RADIL: variants seen among roughly 807,000 people sequenced by gnomAD.
RADIL encodes the protein Rap associating with DIL domain, also known as ras-associating and dilute domain-containing protein.
Under a neutral mutation model 97.6 loss-of-function variants are expected in RADIL, and 99 were observed. The ratio of observed to expected loss-of-function variants is 1.01; its 90% CI spans 0.86 to 1.20. The LOEUF is 1.20. Among genes scored for constraint, RADIL ranks in the 50% most tolerant of loss-of-function variants. RADIL has a pLI of 0.00. For missense variants in RADIL, 1,765 were observed against 1,498.9 expected (o/e 1.18, Z -2.93); for synonymous variants, 803 against 691.8 (o/e 1.16, Z -2.52).
At chr7:4,810,844 G>A (rs1034283728) in intron 9 of RADIL, among the ~76,000 whole-genome samples, 4 of 152,160 alleles carry the variant, frequency 2.6e-5, no homozygotes, top group African/African-American at 7.2e-5. Flanking sequence ...TGTTTAAAAC[G>A]CTGAGATTAG....
intron 2 of RADIL, chr7:4,858,565 AGT>A (rs1783892060): frequency 6.6e-6 from 1 of 152,662 alleles, no homozygotes; most frequent in South Asian, 2.1e-4. Context: ...TAAAAATAAA[AGT>A]GTTTAAAATT....
rs998531535 is a variant in RADIL at position 4,815,012 on chromosome 7, C to G, written c.2139+266G>C. Among the ~76,000 whole-genome samples, 11 of 152,186 alleles carry G rather than the reference C, an allele frequency of 7.2e-5. No homozygotes were observed. The highest frequency in any genetic ancestry group is 2.7e-4 in the African/African-American group (11 of 41,448). ...CTCAAGGTCCTTAATCGTAGTCACA[C>G]GTACAGAGGCTTCTTTGCCATGTGG... is the stretch of plus-strand genomic sequence containing the variant. On this transcript the variant is annotated intron_variant, in intron 9 of 14. Coordinates refer to ENST00000399583, the MANE Select transcript of RADIL (RefSeq NM_018059.5). The surrounding 1 kb of genome is among the most constrained non-coding windows in gnomAD (Gnocchi z 8.0).
intron 9 of RADIL, among the ~76,000 whole-genome samples, chr7:4,807,241 C>T (rs546638846): frequency 1.3e-5 from 2 of 152,150 alleles, no homozygotes; most frequent in East Asian, 1.9e-4. Flanking sequence ...GTGTCTCGGG[C>T]GTCGTGCAGG....
At chr7:4,845,269 A>T (rs893586653) in intron 2 of RADIL, among the ~76,000 whole-genome samples, 3 of 152,126 alleles carry the variant, frequency 2.0e-5, no homozygotes, top group Non-Finnish European at 4.4e-5. Context: ...AAATAAAAAG[A>T]TGAACCAGAT....
chr7:4,831,438 C>T (rs1783136300), intron 5 of RADIL, among the ~76,000 whole-genome samples: 1 of 151,886 alleles, frequency 6.6e-6, no homozygotes, highest in Non-Finnish European at 1.5e-5. Flanking sequence ...GGGTACAAGG[C>T]TTAATACCTG....
intron 5 of RADIL, among the ~76,000 whole-genome samples, chr7:4,827,246 T>A (rs1259859139): frequency 6.6e-6 from 1 of 151,332 alleles, no homozygotes; most frequent in African/African-American, 2.4e-5. Context: ...GCGCCTGTAA[T>A]CCCAGCTACT....
Position 4,854,182 on chromosome 7 carries a change from G to A in RADIL, c.536-17577C>T, listed in dbSNP as rs1783773742. 6.6e-6 allele frequency among the ~76,000 whole-genome samples: 1 copy of A among 152,148 alleles called. No homozygotes were observed. The highest frequency in any genetic ancestry group is 1.5e-5 in the Non-Finnish European group (1 of 68,028). On this transcript the variant is annotated intron_variant, in intron 2 of 14. Coordinates refer to ENST00000399583, the MANE Select transcript of RADIL (RefSeq NM_018059.5). The surrounding 1 kb of genome is among the most constrained non-coding windows in gnomAD (Gnocchi z 5.1). ...TAGAAGGCATGAACTAGAATGATGG[G>A]GCCGAAAGTAGAAAAAGCCTGGTCC...
chr7:4,866,827 G>A (rs1339340728), intron 2 of RADIL, among the ~76,000 whole-genome samples: 1 of 152,258 alleles, frequency 6.6e-6, no homozygotes, highest in East Asian at 1.9e-4. Context: ...AGGCCTAGTA[G>A]GAGGTGTTTG....
At chr7:4,875,900 G>T (rs1446890005) in intron 2 of RADIL, among the ~76,000 whole-genome samples, 9 of 152,132 alleles carry the variant, frequency 5.9e-5, no homozygotes, top group Non-Finnish European at 1.3e-4. Context: ...CAGAAGTGGC[G>T]ACCTCTGGGT....
At chr7:4,870,568 A>C (rs138137280) in intron 2 of RADIL, among the ~76,000 whole-genome samples, 9 of 151,976 alleles carry the variant, frequency 5.9e-5, no homozygotes, top group Non-Finnish European at 1.3e-4. Context: ...CAGCCTCCCA[A>C]GTAGCTGGGA....
intron 2 of RADIL, among the ~76,000 whole-genome samples, chr7:4,838,878 G>A (rs552895743): frequency 2.6e-5 from 4 of 152,230 alleles, no homozygotes; most frequent in South Asian, 2.1e-4. Context: ...AACTGACCAC[G>A]CCACTCTGCT....
At position 4,818,811 on chromosome 7, in the gene RADIL, G is replaced by A. The variant is rs1782749370; in HGVS notation, c.1616-1460C>T. Reference sequence around the variant, plus strand: ...CAGGGGCGGGGCACTGGTGGGAAGAGGGAAACGGGGCATGGGAATGACAGG... The same window carrying A: ...CAGGGGCGGGGCACTGGTGGGAAGAAGGAAACGGGGCATGGGAATGACAGG... On this transcript the variant is annotated intron_variant, in intron 6 of 14. Coordinates refer to ENST00000399583, the MANE Select transcript of RADIL (RefSeq NM_018059.5). The surrounding 1 kb of genome is among the most constrained non-coding windows in gnomAD (Gnocchi z 7.1). Among the ~76,000 whole-genome samples, 1 of 152,152 alleles carries A rather than the reference G, an allele frequency of 6.6e-6. No individual in the cohort carries two copies. Among genetic ancestry groups the A allele is most frequent in the Non-Finnish European group, 1.5e-5 (1 of 68,028 alleles).
intron 2 of RADIL, among the ~76,000 whole-genome samples, chr7:4,853,742 C>CAAAAAAAAA (rs34610093): frequency 4.9e-5 from 5 of 101,028 alleles, no homozygotes; most frequent in African/African-American, 1.5e-4. Flanking sequence ...AACTCTGTCT[C>CAAAAAAAAA]AAAAAAAAAA....
At chr7:4,871,953 A>G (rs374035897) in intron 2 of RADIL, among the ~76,000 whole-genome samples, 2 of 152,254 alleles carry the variant, frequency 1.3e-5, no homozygotes, top group African/African-American at 4.8e-5. Context: ...CAAAGTGCGC[A>G]TCCAAAGCCA....
chr7:4,844,567 C>T (rs779900725), intron 2 of RADIL, among the ~76,000 whole-genome samples: 2 of 152,158 alleles, frequency 1.3e-5, no homozygotes, highest in African/African-American at 2.4e-5. Flanking sequence ...GTGAATTTAG[C>T]AAGGTGACTA....
At chr7:4,808,261 G>A (rs1184723449) in intron 9 of RADIL, among the ~76,000 whole-genome samples, 3 of 150,552 alleles carry the variant, frequency 2.0e-5, no homozygotes, top group Non-Finnish European at 4.4e-5. Flanking sequence ...CCTCTCTGGA[G>A]GGCTTTTCTC....
In RADIL at chr7:4,814,422, G is replaced by A. The variant is rs1379441499; in HGVS notation, c.2139+856C>T. Among the ~76,000 whole-genome samples the A allele has an allele frequency of 6.6e-6, 1 of 152,078 alleles. No individual in the cohort carries two copies. Among genetic ancestry groups the A allele is most frequent in the Admixed American group, 6.6e-5 (1 of 15,262 alleles). ...CAACCTCTGCCTCGCGGGTTCAAGC[G>A]ATTCGCCCTGTGGCCACTGTCACCA... On this transcript the variant is annotated intron_variant, in intron 9 of 14. Transcript: ENST00000399583. This position sits in a 1 kb window ranked among gnomAD's most constrained non-coding sequence, Gnocchi z 4.5.
chr7:4,816,287 A>T lies in RADIL; in HGVS notation c.1907T>A (p.Met636Lys). 10 of 1,612,840 alleles carry T rather than the reference A, an allele frequency of 6.2e-6. No individual in the cohort carries two copies. Among genetic ancestry groups the T allele is most frequent in the Non-Finnish European group, 8.5e-6 (10 of 1,179,906 alleles). ...LQVHPEVASQ[M>K]LAYLFFFSGT... ...GGAGAAGAAGAAGAGGTAGGCGAGCATCTGCGAGGCCACCTCGGGGTGCAC... is the reference window on the plus strand; with the variant it reads ...GGAGAAGAAGAAGAGGTAGGCGAGCTTCTGCGAGGCCACCTCGGGGTGCAC... The change falls in exon 8 of 15, where the codon ATG (methionine) becomes AAG (lysine). Residue 636 changes from methionine (M) to lysine (K), a missense_variant. Met to Lys is a moderately conservative substitution (Grantham distance 95). Transcript: ENST00000399583.
chr7:4,808,921 C>G, intron 9 of RADIL: 6 of 913,842 alleles, frequency 6.6e-6, no homozygotes, highest in Non-Finnish European at 7.5e-6. Context: ...CCCCCCACGT[C>G]TCCTTCCAAC....
Sources: allele counts gnomAD v4.1 joint callset (sites outside exome capture counted in the v4.1 genomes callset), GRCh38; gene constraint gnomAD v4.1.1; non-coding constraint Gnocchi (gnomAD v3.1); transcripts MANE v1.5; gene names NCBI Gene and HGNC (gene_info 2026-07-23, HGNC 2026-07-21).